KCNQ5: variants seen among roughly 807,000 people sequenced by gnomAD.
The protein encoded by KCNQ5 is potassium voltage-gated channel subfamily KQT member 5.
KCNQ5 carries 30 observed loss-of-function variants against 98.2 expected under a neutral mutation model. That is an observed-to-expected ratio of 0.31 (90% CI 0.23 to 0.41). KCNQ5 has a LOEUF of 0.41. KCNQ5 is among the 10% of genes least tolerant of loss of function. The pLI is 1.00. For missense variants in KCNQ5, 835 were observed against 1,182.5 expected, an observed-to-expected ratio of 0.71 and a Z score of 4.31; for synonymous variants, 458 against 449.4, an observed-to-expected ratio of 1.02 and a Z score of -0.24.
intron 9 of KCNQ5, among the ~76,000 whole-genome samples, chr6:73,130,589 T>A (rs1776191025): frequency 6.6e-6 from 1 of 152,006 alleles, no homozygotes; most frequent in South Asian, 2.1e-4. Context: ...TATTCGTAGA[T>A]GTCACCAAAA....
At chr6:73,158,199 G>T in intron 10 of KCNQ5, 1 of 274,384 alleles carries the variant, frequency 3.6e-6, no homozygotes, top group South Asian at 3.6e-5. Flanking sequence ...CGGCGGCGGC[G>T]CCGGCCCCAG....
rs764586130 is a variant in KCNQ5, at chr6:72,622,212, G to A, written c.23G>A (p.Gly8Glu). 87 of 1,230,400 alleles carry A rather than the reference G, an allele frequency of 7.1e-5. No individual in the cohort carries two copies. The highest frequency in any genetic ancestry group is 8.4e-5 in the Non-Finnish European group (83 of 987,608). The allele number at this position is 1,230,400 out of a possible 1,614,324, so 76.2% of individuals were successfully genotyped here. The change falls in exon 1 of 14, where the codon GGA becomes GAA. Residue 8 changes from glycine (G) to glutamate (E), a missense_variant. Coordinates refer to ENST00000370398, the MANE Select transcript of KCNQ5 (RefSeq NM_019842.4). This position sits in a 1 kb window ranked among gnomAD's most constrained non-coding sequence, Gnocchi z 6.0. ...GCCATGCCCCGCCACCACGCGGGAG[G>A]AGAGGAGGGCGGCGCCGCCGGGCTC... is the stretch of plus-strand genomic sequence containing the variant. MPRHHAG[G>E]EEGGAAGLWV... is the part of the protein sequence containing the mutation.
rs117181360 is a variant in KCNQ5, at chr6:72,654,614, G to A, written c.398+32027G>A. Among the ~76,000 whole-genome samples, 797 of 152,146 alleles carry A rather than the reference G, an allele frequency of 5.2e-3. 8 individuals are homozygous for A. The highest frequency in any genetic ancestry group is 8.0e-3 in the Non-Finnish European group (541 of 67,956). On this transcript the variant is annotated intron_variant, in intron 1 of 13. Transcript: ENST00000370398. ...TAGAGGCTGAAGACATATCAAGAGA[G>A]TGCTGCACGAGGGGAGAAGACAACT...
chr6:73,169,924 G>A, intron 11 of KCNQ5, 70 bp downstream of exon 11: 1 of 1,024,892 alleles, frequency 9.8e-7, no homozygotes, highest in Non-Finnish European at 1.5e-6. Context: ...ATGTTGCTAA[G>A]TTCTTTTTCT....
At chr6:72,800,081 AATAATT>A (rs1384152046) in intron 1 of KCNQ5, among the ~76,000 whole-genome samples, 1 of 152,148 alleles carries the variant, frequency 6.6e-6, no homozygotes, top group Non-Finnish European at 1.5e-5. Context: ...TAACCAGACT[AATAATT>A]ATAAGAGAAA....
chr6:72,916,357 A>G (rs1228937780), intron 1 of KCNQ5, among the ~76,000 whole-genome samples: 1 of 152,198 alleles, frequency 6.6e-6, no homozygotes, highest in African/African-American at 2.4e-5. Flanking sequence ...TTTACGATTT[A>G]GTTGATATTA....
chr6:72,824,482 A>G (rs9446763), intron 1 of KCNQ5, among the ~76,000 whole-genome samples: 37,409 of 151,988 alleles, frequency 0.25, 5,112 homozygotes, highest in African/African-American at 0.36. Context: ...TTCACTTGGC[A>G]TTTATTGATA....
intron 3 of KCNQ5, among the ~76,000 whole-genome samples, chr6:73,072,560 T>C (rs41395445): frequency 0.046 from 7,068 of 152,242 alleles, 197 homozygotes; most frequent in East Asian, 0.11. Context: ...TCCATGGTGA[T>C]CAATTCATAT....
At chr6:72,968,401 C>T (rs1042934343) in intron 1 of KCNQ5, among the ~76,000 whole-genome samples, 1 of 150,200 alleles carries the variant, frequency 6.7e-6, no homozygotes, top group South Asian at 2.1e-4. Context: ...ATGATCTAGA[C>T]GGGTGAAGAA....
chr6:72,939,670 C>T (rs1419805197), intron 1 of KCNQ5, among the ~76,000 whole-genome samples: 1 of 152,208 alleles, frequency 6.6e-6, no homozygotes, highest in African/African-American at 2.4e-5. Flanking sequence ...CAGTCTTTCA[C>T]TCACTCAACA....
intron 1 of KCNQ5, among the ~76,000 whole-genome samples, chr6:72,900,936 T>A (rs1048685505): frequency 2.0e-5 from 3 of 152,188 alleles, no homozygotes; most frequent in African/African-American, 7.2e-5. Flanking sequence ...TTGTTGGCCA[T>A]TTGTATATCT....
chr6:72,758,240 T>C (rs547807427), intron 1 of KCNQ5, among the ~76,000 whole-genome samples: 153 of 152,182 alleles, frequency 1.0e-3, no homozygotes, highest in Non-Finnish European at 1.8e-3. Context: ...TTATTTTCCT[T>C]AAGAACATGG....
chr6:72,686,371 A>G (rs563475104), intron 1 of KCNQ5, among the ~76,000 whole-genome samples: 13 of 152,128 alleles, frequency 8.5e-5, no homozygotes, highest in Admixed American at 1.3e-4. Flanking sequence ...TATAGTTTCA[A>G]TTTACATTTC....
chr6:72,662,477 C>T (rs916794804), intron 1 of KCNQ5, among the ~76,000 whole-genome samples: 22 of 151,904 alleles, frequency 1.4e-4, no homozygotes, highest in African/African-American at 5.3e-4. Flanking sequence ...TGTGAATCAG[C>T]TACTAGACAG....
intron 1 of KCNQ5, among the ~76,000 whole-genome samples, chr6:72,695,676 A>T (rs1342205059): frequency 6.6e-6 from 1 of 152,048 alleles, no homozygotes; most frequent in Non-Finnish European, 1.5e-5. Flanking sequence ...ATGATTTTAT[A>T]TAAATATATA....
At chr6:72,859,026 GT>G (rs1777647453) in intron 1 of KCNQ5, among the ~76,000 whole-genome samples, 2 of 151,362 alleles carry the variant, frequency 1.3e-5, no homozygotes, top group African/African-American at 2.4e-5. Flanking sequence ...AAAATAAAAA[GT>G]TTTTTAAGAA....
At chr6:73,020,724 C>A (rs1456662841) in intron 2 of KCNQ5, among the ~76,000 whole-genome samples, 1 of 152,118 alleles carries the variant, frequency 6.6e-6, no homozygotes, top group African/African-American at 2.4e-5. Flanking sequence ...CCAGTCAATT[C>A]ATACAAAAAG....
intron 1 of KCNQ5, among the ~76,000 whole-genome samples, chr6:72,890,738 G>A (rs1286601646): frequency 6.6e-6 from 1 of 152,244 alleles, no homozygotes; most frequent in Non-Finnish European, 1.5e-5. Context: ...TAAAGTGGAG[G>A]TCCCAGTGAC....
At chr6:73,030,910 C>T (rs7765606) in intron 2 of KCNQ5, among the ~76,000 whole-genome samples, 151,930 of 152,310 alleles carry the variant, frequency 1, 75,777 homozygotes, top group Middle Eastern at 1. Flanking sequence ...AACAGTTGAG[C>T]TTTTCGGGGT....
Sources: gnomAD v4.1 joint callset for allele counts (sites outside exome capture counted in the v4.1 genomes callset) on GRCh38, gnomAD v4.1.1 for gene constraint, Gnocchi (gnomAD v3.1) non-coding constraint, MANE v1.5 for transcripts, NCBI Gene and HGNC (gene_info 2026-07-23, HGNC 2026-07-21) for gene names.